The following WDR41 variants were observed in gnomAD, a reference collection of about 807,000 sequenced individuals.
WDR41 encodes WD repeat-containing protein 41.
Under a neutral mutation model 69.3 loss-of-function variants are expected in WDR41, and 63 were observed. The ratio of observed to expected loss-of-function variants is 0.91; its 90% CI spans 0.74 to 1.12. The LOEUF (loss-of-function observed/expected upper bound fraction) is 1.12. WDR41 is among the 50% of genes most tolerant of loss of function. The pLI is 0.00. For missense variants in WDR41, 543 were observed against 534.5 expected (o/e 1.02, Z -0.16); for synonymous variants, 185 against 192.1 (o/e 0.96, Z 0.31).
In WDR41 at chr5:77,553,840, G is replaced by A. The variant is rs181750476; in HGVS notation, c.43-64268C>T. Among the ~76,000 whole-genome samples the A allele has an allele frequency of 1.5e-3, 222 of 152,296 alleles. 3 individuals are homozygous for A. Among genetic ancestry groups the A allele is most frequent in the African/African-American group, 5.2e-3 (218 of 41,558 alleles). On this transcript the variant is annotated intron_variant, in intron 1 of 5. Coordinates refer to the WDR41 transcript ENST00000509971. ...ACTGGTTCACTCATACATTACTGGT[G>A]GGAATGTAAAATGGTAAGCCACTCT...
upstream of WDR41, among the ~76,000 whole-genome samples, chr5:77,493,492 T>C (rs1460388773): frequency 6.6e-6 from 1 of 152,140 alleles, no homozygotes; most frequent in African/African-American, 2.4e-5. Flanking sequence ...TTAAGCTAAG[T>C]TGGTTGTGAG....
intron 1 of WDR41, among the ~76,000 whole-genome samples, chr5:77,546,994 T>C (rs903085819): frequency 7.9e-5 from 12 of 152,032 alleles, no homozygotes; most frequent in Non-Finnish European, 1.5e-4. Flanking sequence ...ATGTGATACA[T>C]CACATAAACA....
chr5:77,451,009 CTT>C (rs1799607219), intron 7 of WDR41, among the ~76,000 whole-genome samples: 1 of 152,106 alleles, frequency 6.6e-6, no homozygotes, highest in Non-Finnish European at 1.5e-5. Context: ...GGAAATTCTA[CTT>C]TAGTTGGAAT....
intron 1 of WDR41, among the ~76,000 whole-genome samples, chr5:77,576,401 T>C (rs1427319481): frequency 1.3e-5 from 2 of 152,172 alleles, no homozygotes; most frequent in East Asian, 3.8e-4. Flanking sequence ...CTCCACTTCC[T>C]AATGTCCCAC....
chr5:77,506,954 GC>G (rs905831718), intron 1 of WDR41, among the ~76,000 whole-genome samples: 1 of 152,120 alleles, frequency 6.6e-6, no homozygotes, highest in African/African-American at 2.4e-5. Context: ...GTTGTTGGGT[GC>G]AGCAAACCAA....
At chr5:77,500,427 C>A (rs534273310) in intron 1 of WDR41, among the ~76,000 whole-genome samples, 9 of 151,926 alleles carry the variant, frequency 5.9e-5, no homozygotes, top group African/African-American at 2.2e-4. Flanking sequence ...AATTAATAAG[C>A]CACTAGCAAG....
At chr5:77,468,197 A>C (rs1800391394) in intron 2 of WDR41, among the ~76,000 whole-genome samples, 1 of 152,136 alleles carries the variant, frequency 6.6e-6, no homozygotes, top group Non-Finnish European at 1.5e-5. Context: ...TATGAGAACT[A>C]AATTTATTAT....
chr5:77,608,138 C>T (rs1234099820), intron 1 of WDR41, among the ~76,000 whole-genome samples: 1 of 152,214 alleles, frequency 6.6e-6, no homozygotes, highest in African/African-American at 2.4e-5. Flanking sequence ...AATTTGACTG[C>T]TCCAGGTACT....
intron 1 of WDR41, among the ~76,000 whole-genome samples, chr5:77,515,893 T>C (rs1327016692): frequency 1.3e-5 from 2 of 152,228 alleles, no homozygotes; most frequent in African/African-American, 4.8e-5. Context: ...TATATGTGAT[T>C]ATACTTTACT....
At chr5:77,545,009 CA>C (rs1240207542) in intron 1 of WDR41, among the ~76,000 whole-genome samples, 2 of 152,038 alleles carry the variant, frequency 1.3e-5, no homozygotes, top group Non-Finnish European at 2.9e-5. Context: ...AAATCAACTC[CA>C]AAAAGTACCT....
intron 1 of WDR41, among the ~76,000 whole-genome samples, chr5:77,571,525 A>G (rs1216464780): frequency 6.6e-6 from 1 of 152,152 alleles, no homozygotes; most frequent in Non-Finnish European, 1.5e-5. Flanking sequence ...TGCACTCCCA[A>G]GTTTCCTCAG....
intron 8 of WDR41, among the ~76,000 whole-genome samples, chr5:77,448,984 G>A (rs1006995635): frequency 1.3e-5 from 2 of 152,138 alleles, no homozygotes; most frequent in African/African-American, 4.8e-5. Context: ...CTCCCAAGCA[G>A]CCTTACAGGA....
chr5:77,432,470 T>C lies in WDR41; in HGVS notation c.*665A>G, dbSNP rs867846715. 1 of 152,520 alleles carries C rather than the reference T, an allele frequency of 6.6e-6. No individual in the cohort carries two copies. The highest frequency in any genetic ancestry group is 2.4e-5 in the African/African-American group (1 of 41,460). 9.4% of individuals were successfully genotyped at this position (152,520 alleles called of 1,614,324 possible). On this transcript the variant is annotated 3_prime_UTR_variant, in exon 13 of 13. Coordinates refer to ENST00000296679, the MANE Select transcript of WDR41 (RefSeq NM_018268.4). ...ATCTAGAGCTCATCCTTGGCGTACA[T>C]GAGGGGCAGTTGTTGTTCTAGTACC...
intron 2 of WDR41, among the ~76,000 whole-genome samples, chr5:77,482,004 C>T (rs1405075419): frequency 6.6e-6 from 1 of 152,098 alleles, no homozygotes; most frequent in African/African-American, 2.4e-5. Flanking sequence ...GCATAAATAC[C>T]TTTTAAATTG....
At chr5:77,595,450 C>A (rs1247784038) in intron 1 of WDR41, among the ~76,000 whole-genome samples, 1 of 152,170 alleles carries the variant, frequency 6.6e-6, no homozygotes, top group Non-Finnish European at 1.5e-5. Context: ...CTTGTTTCCC[C>A]TTGTAGCATG....
intron 2 of WDR41, among the ~76,000 whole-genome samples, chr5:77,471,163 C>T (rs1196200596): frequency 6.6e-6 from 1 of 152,170 alleles, no homozygotes; most frequent in Non-Finnish European, 1.5e-5. Context: ...GAACAACCTG[C>T]TCCTGAATGA....
At chr5:77,438,039 G>A (rs1428180602) in intron 10 of WDR41, among the ~76,000 whole-genome samples, 4 of 151,532 alleles carry the variant, frequency 2.6e-5, no homozygotes, top group East Asian at 2.0e-4. Context: ...TAATTCATTT[G>A]CACCTTGCTT....
At chr5:77,481,055 C>T (rs1801215761) in intron 2 of WDR41, among the ~76,000 whole-genome samples, 1 of 151,634 alleles carries the variant, frequency 6.6e-6, no homozygotes, top group South Asian at 2.1e-4. Flanking sequence ...AAAGTCTCGC[C>T]CTGTTGCCCA....
chr5:77,441,476 G>A (rs1041453886), intron 8 of WDR41, among the ~76,000 whole-genome samples: 1 of 151,972 alleles, frequency 6.6e-6, no homozygotes, highest in Non-Finnish European at 1.5e-5. Flanking sequence ...CAAGGACCGG[G>A]CGAGGTAATC....
Sources: allele counts gnomAD v4.1 joint callset (sites outside exome capture counted in the v4.1 genomes callset), GRCh38; gene constraint gnomAD v4.1.1; transcripts MANE v1.5; gene names NCBI Gene and HGNC (gene_info 2026-07-23, HGNC 2026-07-21).